The following SCAI variants were observed in gnomAD, a reference collection of about 807,000 sequenced individuals.
The protein encoded by SCAI is suppressor of cancer cell invasion, also known as protein SCAI.
In SCAI, 24 loss-of-function variants were observed where a neutral mutation model predicts 92.2. The ratio of observed to expected loss-of-function variants is 0.26; its 90% CI spans 0.19 to 0.37. SCAI has a LOEUF of 0.37. Among genes scored for constraint, SCAI ranks in the 10% least tolerant of loss-of-function variants. The pLI is 1.00. For synonymous variants in SCAI, 261 were observed against 258.6 expected (o/e 1.01, Z -0.09); for missense variants, 450 against 736.2 (o/e 0.61, Z 4.50).
rs143085309 is a variant in SCAI at position 125,082,722 on chromosome 9, A to T, written c.99-26715T>A. Among the ~76,000 whole-genome samples, 59 of 152,308 alleles carry T rather than the reference A, an allele frequency of 3.9e-4. No homozygotes were observed. In the East Asian group the frequency reaches 9.8e-3, roughly 25 times the overall value. The stretch of plus-strand genomic sequence containing the variant: ...AAGGAGTTCATTTTGGAGCTTTAAG[A>T]TTTGACTGCCCTGCTGGATTTTGGA... On this transcript the variant is annotated intron_variant, in intron 2 of 17. Transcript: ENST00000336505.
At chr9:125,072,293 A>G in intron 2 of SCAI, among the ~76,000 whole-genome samples, 1 of 152,186 alleles carries the variant, frequency 6.6e-6, no homozygotes, top group East Asian at 1.9e-4. Context: ...ATGTGCTGGG[A>G]TTACAGGCGT....
intron 9 of SCAI, among the ~76,000 whole-genome samples, chr9:125,003,929 A>G (rs1375032854): frequency 2.0e-5 from 3 of 152,112 alleles, no homozygotes; most frequent in Non-Finnish European, 4.4e-5. Flanking sequence ...TAATCCCAGC[A>G]CTTTGGGAGG....
intron 2 of SCAI, among the ~76,000 whole-genome samples, chr9:125,070,024 T>G (rs752756703): frequency 2.0e-5 from 3 of 152,166 alleles, no homozygotes; most frequent in Non-Finnish European, 4.4e-5. Context: ...AAATGGAATA[T>G]TAATAATACC....
At chr9:125,057,417 A>C (rs1833691557) in intron 2 of SCAI, among the ~76,000 whole-genome samples, 1 of 152,154 alleles carries the variant, frequency 6.6e-6, no homozygotes, top group African/African-American at 2.4e-5. Flanking sequence ...ATAATGACTA[A>C]ATTTCCCAGA....
intron 2 of SCAI, among the ~76,000 whole-genome samples, chr9:125,070,141 C>T (rs1332667356): frequency 2.6e-5 from 4 of 151,992 alleles, no homozygotes; most frequent in African/African-American, 4.8e-5. Context: ...AAATACACTC[C>T]GAAACAGCAT....
intron 2 of SCAI, among the ~76,000 whole-genome samples, chr9:125,108,030 C>T (rs1461855809): frequency 1.3e-5 from 2 of 152,232 alleles, no homozygotes; most frequent in African/African-American, 2.4e-5. Flanking sequence ...GACGGGGTTT[C>T]GCTGTGTTGG....
At chr9:125,069,823 T>C (rs776740715) in intron 2 of SCAI, among the ~76,000 whole-genome samples, 2 of 151,986 alleles carry the variant, frequency 1.3e-5, no homozygotes, top group African/African-American at 2.4e-5. Flanking sequence ...GGTTTCGCCA[T>C]GTTGGCCAGG....
chr9:124,957,565 T>G, intron 17 of SCAI, among the ~76,000 whole-genome samples: 2 of 139,980 alleles, frequency 1.4e-5, no homozygotes, highest in African/African-American at 2.7e-5. Context: ...AAAGATGAGG[T>G]TTCACCACCT....
chr9:124,992,159 C>T (rs865993329), intron 14 of SCAI, among the ~76,000 whole-genome samples: 4 of 152,152 alleles, frequency 2.6e-5, no homozygotes, highest in African/African-American at 9.7e-5. Flanking sequence ...TTCAAGTGAT[C>T]CTCTTGCCTT....
At position 124,952,705 on chromosome 9, in the gene SCAI, T is replaced by C. The variant is rs1191494653; in HGVS notation, c.*102A>G. The C allele has an allele frequency of 1.1e-6, 1 of 892,292 alleles. No homozygotes were observed. Among genetic ancestry groups the C allele is most frequent in the Non-Finnish European group, 1.6e-6 (1 of 619,366 alleles). 55.3% of individuals were successfully genotyped at this position (892,292 alleles called of 1,614,324 possible). ...AAAATGGTGGCCCTAAATTAAAAAATAAAAACTAAGTAACACCACTATGTG... is the reference window on the plus strand; with the variant it reads ...AAAATGGTGGCCCTAAATTAAAAAACAAAAACTAAGTAACACCACTATGTG... On this transcript the variant is annotated 3_prime_UTR_variant, in exon 18 of 18. Coordinates refer to ENST00000336505, the MANE Select transcript of SCAI (RefSeq NM_001144877.3).
chr9:124,999,297 G>A (rs1352622802), intron 13 of SCAI, among the ~76,000 whole-genome samples: 1 of 151,626 alleles, frequency 6.6e-6, no homozygotes, highest in Non-Finnish European at 1.5e-5. Flanking sequence ...TGAGGCAGGA[G>A]AATCGCTTGA....
intron 2 of SCAI, among the ~76,000 whole-genome samples, chr9:125,077,309 G>T (rs1278303778): frequency 1.3e-5 from 2 of 152,114 alleles, no homozygotes; most frequent in African/African-American, 4.8e-5. Context: ...GTTTTTCCTT[G>T]TAATACTCTA....
intron 3 of SCAI, among the ~76,000 whole-genome samples, chr9:125,046,474 T>C (rs1833446484): frequency 2.0e-5 from 3 of 148,778 alleles, no homozygotes; most frequent in Non-Finnish European, 4.5e-5. Context: ...AAACATCATG[T>C]GTTCTCAGTC....
At chr9:125,126,589 TGA>T (rs147437849) in intron 2 of SCAI, among the ~76,000 whole-genome samples, 2 of 143,210 alleles carry the variant, frequency 1.4e-5, no homozygotes, top group African/African-American at 2.7e-5. Context: ...TGTGTGTGTG[TGA>T]GAGAGAGAGA....
chr9:125,011,268 GAAGTTGAAAACT>G (rs1341978771), intron 9 of SCAI, among the ~76,000 whole-genome samples: 6 of 152,198 alleles, frequency 3.9e-5, no homozygotes, highest in African/African-American at 1.4e-4. Context: ...CAAAGGCAAA[GAAGTTGAAAACT>G]TTGAAAAAAA....
intron 3 of SCAI, among the ~76,000 whole-genome samples, chr9:125,047,968 T>C (rs1334272895): frequency 1.3e-5 from 2 of 152,132 alleles, no homozygotes; most frequent in African/African-American, 2.4e-5. Flanking sequence ...CTATTAGTCA[T>C]TGATTTTCTT....
At chr9:125,042,121 A>C (rs1477654614) in intron 3 of SCAI, among the ~76,000 whole-genome samples, 1 of 152,174 alleles carries the variant, frequency 6.6e-6, no homozygotes, top group Non-Finnish European at 1.5e-5. Context: ...ATTACCCCAT[A>C]ATTTAAGTGA....
chr9:125,077,626 A>G (rs1417768262), intron 2 of SCAI, among the ~76,000 whole-genome samples: 1 of 152,144 alleles, frequency 6.6e-6, no homozygotes, highest in East Asian at 1.9e-4. Flanking sequence ...CTGTCTAGAG[A>G]GATTTGGATT....
intron 2 of SCAI, among the ~76,000 whole-genome samples, chr9:125,137,894 G>A (rs962925405): frequency 1.5e-4 from 23 of 152,128 alleles, no homozygotes; most frequent in African/African-American, 5.3e-4. Context: ...GAGCCACCAC[G>A]CTTGGCCAAG....
Sources: gnomAD v4.1 joint callset for allele counts (sites outside exome capture counted in the v4.1 genomes callset) on GRCh38, gnomAD v4.1.1 for gene constraint, MANE v1.5 for transcripts, NCBI Gene and HGNC (gene_info 2026-07-23, HGNC 2026-07-21) for gene names.